Variants in UQCRC2 observed in about 807,000 individuals in gnomAD.
UQCRC2 encodes cytochrome b-c1 complex subunit 2, mitochondrial.
Under a neutral mutation model 55.6 loss-of-function variants are expected in UQCRC2, and 49 were observed. That is an observed-to-expected ratio of 0.88 (90% CI 0.70 to 1.12). The LOEUF is 1.12. UQCRC2 is among the 50% of genes most tolerant of loss of function. The pLI, the probability that UQCRC2 is intolerant of heterozygous loss-of-function variation, is 0.00. For synonymous variants in UQCRC2, 193 were observed against 192.0 expected (o/e 1.01, Z -0.04); for missense variants, 506 against 547.8 (o/e 0.92, Z 0.76).
At chr16:21,964,671 TATTA>T (rs1898283608) in intron 6 of UQCRC2, among the ~76,000 whole-genome samples, 1 of 152,214 alleles carries the variant, frequency 6.6e-6, no homozygotes, top group Non-Finnish European at 1.5e-5. Context: ...ATATTACTTG[TATTA>T]ATTGTTTTCC....
intron 7 of UQCRC2, among the ~76,000 whole-genome samples, chr16:21,966,923 A>G (rs940142360): frequency 6.6e-6 from 1 of 152,238 alleles, no homozygotes; most frequent in East Asian, 1.9e-4. Flanking sequence ...ACAGTATTCA[A>G]CCATTCAAAA....
intron 8 of UQCRC2, 135 bp downstream of exon 8, chr16:21,968,820 A>G (rs1898389927): frequency 3.3e-6 from 2 of 610,678 alleles, no homozygotes; most frequent in African/African-American, 1.9e-5. Context: ...GCAATATATC[A>G]TAGGATTTTA....
Position 21,953,433 on chromosome 16 carries a change from C to T in UQCRC2, c.10C>T (p.Leu4=), listed in dbSNP as rs1898044064. 1 of 1,613,322 alleles carries T rather than the reference C, an allele frequency of 6.2e-7. No homozygotes were observed. The highest frequency in any genetic ancestry group is 8.5e-7 in the Non-Finnish European group (1 of 1,179,748). Residue 4 remains leucine (L), a synonymous_variant, in exon 1 of 14, where the codon CTA becomes TTA. Transcript: ENST00000268379. MKL[L]TRAGSFSRFY... is the part of the protein sequence containing the mutation. ...AGAACAATCTTGAATCATGAAGCTA[C>T]TAACCAGAGCCGGCTCTTTCTCGGT... is the stretch of plus-strand genomic sequence containing the variant.
In UQCRC2 at chr16:21,981,454, A is replaced by G. The variant is rs13335130; in HGVS notation, c.1278+754A>G. On this transcript the variant is annotated intron_variant, in intron 13 of 13. Transcript: ENST00000268379. ...ACCTTGTATAGGGACAGTGGGGATA[A>G]GAAAAAATAAAAAACTAAGCTGGGT... Among the ~76,000 whole-genome samples, 904 of 152,294 alleles carry G rather than the reference A, an allele frequency of 5.9e-3. 13 individuals are homozygous for G. Among genetic ancestry groups the G allele is most frequent in the African/African-American group, 0.02 (842 of 41,566 alleles).
rs201388758 is a variant in UQCRC2 at position 21,957,297 on chromosome 16, G to A, written c.96G>A (p.Pro32=). ...VKATAAPAGA[P]PQPQDLEFTK... ...CCACAGCTGCGCCTGCAGGAGCACC[G>A]CCACAACCTCAGGACCTTGAGGTTA... The change falls in exon 2 of 14, where the codon CCG becomes CCA. Residue 32 remains proline, a synonymous_variant. Transcript: ENST00000268379. The A allele has an allele frequency of 2.3e-5, 37 of 1,613,884 alleles. No individual in the cohort carries two copies. In the East Asian group the frequency reaches 3.1e-4, roughly 14 times the overall value.
chr16:21,964,567 A>G (rs1898280875), intron 6 of UQCRC2, among the ~76,000 whole-genome samples: 2 of 152,126 alleles, frequency 1.3e-5, no homozygotes, highest in African/African-American at 4.8e-5. Flanking sequence ...GTTATACTTT[A>G]TGCCTTTGTT....
chr16:21,971,989 C>T lies in UQCRC2; in HGVS notation c.833C>T (p.Ala278Val), dbSNP rs377641134. ...HAAFVAESAV[A>V]GSAEANAFSV... Reference sequence around the variant, plus strand: ...GCTTTTGTAGCAGAAAGTGCTGTCGCGGGAAGTGCAGAGGCAAATGCATTT... The same window carrying T: ...GCTTTTGTAGCAGAAAGTGCTGTCGTGGGAAGTGCAGAGGCAAATGCATTT... The change falls in exon 10 of 14, where the codon GCG becomes GTG. Residue 278 changes from alanine (A) to valine (V), a missense_variant. By Grantham distance (64) the Ala-to-Val change is moderately conservative. Transcript: ENST00000268379. 5.6e-6 allele frequency: 9 copies of T among 1,614,126 alleles called. No homozygotes were observed. Among genetic ancestry groups the T allele is most frequent in the African/African-American group, 1.3e-5 (1 of 75,018 alleles).
chr16:21,957,484 G>GT lies in UQCRC2; in HGVS notation c.188dup (p.Leu63PhefsTer4), dbSNP rs1295142783. 3 of 1,614,016 alleles carry GT rather than the reference G, an allele frequency of 1.9e-6. No homozygotes were observed. The highest frequency in any genetic ancestry group is 8.5e-7 in the Non-Finnish European group (1 of 1,180,040). The stretch of plus-strand genomic sequence containing the variant: ...AACTATTCTCCTGTATCAAGAATTG[G>GT]TTTGTTCATTAAAGCAGGCAGTAGA... On this transcript the variant is annotated frameshift_variant, in exon 3 of 14. Coordinates refer to ENST00000268379, the MANE Select transcript of UQCRC2 (RefSeq NM_003366.4). LOFTEE classifies it high-confidence loss of function.
At chr16:21,973,050 A>G (rs1193943461) in intron 10 of UQCRC2, among the ~76,000 whole-genome samples, 1 of 152,256 alleles carries the variant, frequency 6.6e-6, no homozygotes, top group African/African-American at 2.4e-5. Flanking sequence ...CAGTAAGCTG[A>G]GATCGTGCCA....
chr16:21,955,085 A>G (rs1055011421), intron 1 of UQCRC2, among the ~76,000 whole-genome samples: 5 of 151,934 alleles, frequency 3.3e-5, no homozygotes, highest in Admixed American at 2.6e-4. Context: ...ATTACCAACA[A>G]AGAGTTACTA....
chr16:21,955,741 T>C (rs1438049935), intron 1 of UQCRC2, among the ~76,000 whole-genome samples: 2 of 152,238 alleles, frequency 1.3e-5, no homozygotes, highest in Non-Finnish European at 2.9e-5. Context: ...GACCTTTGGT[T>C]GTGTGGTCTT....
intron 6 of UQCRC2, among the ~76,000 whole-genome samples, chr16:21,963,612 C>T (rs1898255666): frequency 6.6e-6 from 1 of 151,938 alleles, no homozygotes; most frequent in South Asian, 2.1e-4. Flanking sequence ...TACAGGCACA[C>T]ACCACCGCAC....
intron 12 of UQCRC2, among the ~76,000 whole-genome samples, chr16:21,978,913 G>A (rs1485012501): frequency 6.6e-6 from 1 of 152,116 alleles, no homozygotes; most frequent in Non-Finnish European, 1.5e-5. Context: ...AGCTGAAGTG[G>A]ATATCACAGA....
At chr16:21,966,781 T>C (rs1473945912) in intron 7 of UQCRC2, among the ~76,000 whole-genome samples, 1 of 152,210 alleles carries the variant, frequency 6.6e-6, no homozygotes, top group Non-Finnish European at 1.5e-5. Flanking sequence ...AGATGTGTCA[T>C]TAAGTTAGCT....
intron 4 of UQCRC2, chr16:21,961,473 A>G (rs1329033334): frequency 4.2e-6 from 1 of 238,386 alleles, no homozygotes; most frequent in East Asian, 1.2e-4. Flanking sequence ...AAGGTATTTT[A>G]ATTTTTTAAG....
chr16:21,958,803 C>T (rs1188064034), intron 4 of UQCRC2, among the ~76,000 whole-genome samples: 3 of 152,074 alleles, frequency 2.0e-5, no homozygotes, highest in Non-Finnish European at 2.9e-5. Context: ...TAGATATCTG[C>T]AATATATAGG....
Position 21,981,814 on chromosome 16 carries a change from ACTTCGCCCCAATCGTCATTTCATACT to A in UQCRC2, c.1278+1119_1278+1144del, listed in dbSNP as rs1346750284. On this transcript the variant is annotated intron_variant, in intron 13 of 13. Transcript: ENST00000268379. ...AAGATAGTAACCCTGACTTGATTTC[ACTTCGCCCCAATCGTCATTTCATACT>A]CTTCTTTTTTTTTTTTTTGAGACGG... Among the ~76,000 whole-genome samples, 9 of 151,256 alleles carry A rather than the reference ACTTCGCCCCAATCGTCATTTCATACT, an allele frequency of 6.0e-5. No homozygotes were observed. In the East Asian group the frequency reaches 1.8e-3, roughly 30 times the overall value.
At chr16:21,982,206 C>T (rs1898748964) in intron 13 of UQCRC2, among the ~76,000 whole-genome samples, 1 of 152,054 alleles carries the variant, frequency 6.6e-6, no homozygotes, top group African/African-American at 2.4e-5. Flanking sequence ...CCCAACCCGA[C>T]TGCTTCCACC....
chr16:21,965,600 T>A, intron 7 of UQCRC2, 95 bp downstream of exon 7: 1 of 1,071,556 alleles, frequency 9.3e-7, no homozygotes. Flanking sequence ...CCTTTTATCT[T>A]CTAACTTTAA....
Sources: gnomAD v4.1 joint callset for allele counts (sites outside exome capture counted in the v4.1 genomes callset) on GRCh38, gnomAD v4.1.1 for gene constraint, MANE v1.5 for transcripts, NCBI Gene and HGNC (gene_info 2026-07-23, HGNC 2026-07-21) for gene names.